The following MACIR variants were observed in gnomAD, a reference collection of about 807,000 sequenced individuals.
The protein encoded by MACIR is UNC119-binding protein C5orf30.
MACIR carries 4 observed loss-of-function variants against 14.3 expected under a neutral mutation model. The ratio of observed to expected loss-of-function variants is 0.28; its 90% CI spans 0.14 to 0.64. The LOEUF (loss-of-function observed/expected upper bound fraction) is 0.64, where lower values mean the gene tolerates loss of function less well. MACIR is among the 30% of genes least tolerant of loss of function. The pLI, the probability that MACIR is intolerant of heterozygous loss-of-function variation, is 0.83. For missense variants in MACIR, 228 were observed against 257.6 expected (o/e 0.89, Z 0.79); for synonymous variants, 101 against 102.4 (o/e 0.99, Z 0.08).
chr5:103,260,673 ATTTTC>A (rs1554236198), intron 1 of MACIR, among the ~76,000 whole-genome samples: 2 of 152,162 alleles, frequency 1.3e-5, no homozygotes, highest in African/African-American at 4.8e-5. Context: ...GAATTTGCTT[ATTTTC>A]TTTGTATATT....
intron 1 of MACIR, among the ~76,000 whole-genome samples, chr5:103,263,228 C>T (rs547046120): frequency 9.4e-5 from 14 of 148,538 alleles, no homozygotes; most frequent in Non-Finnish European, 2.1e-4. Flanking sequence ...CCTCCTCCTG[C>T]TCTTCCTCCT....
At chr5:103,262,213 A>G (rs1804754192) in intron 1 of MACIR, among the ~76,000 whole-genome samples, 1 of 152,108 alleles carries the variant, frequency 6.6e-6, no homozygotes. Context: ...TATGTGCACC[A>G]GTGCCTGCAT....
At position 103,277,637 on chromosome 5, in the gene MACIR, T is replaced by C. The variant is rs1446409554; in HGVS notation, c.*1097T>C. 2.4e-5 allele frequency: 4 copies of C among 167,204 alleles called. No individual in the cohort carries two copies. Among genetic ancestry groups the C allele is most frequent in the South Asian group, 4.1e-4 (2 of 4,828 alleles). The allele number at this position is 167,204 out of a possible 1,614,324, so 10.4% of individuals were successfully genotyped here. ...TTTTAATGGGTTAATCCTGGATTAC[T>C]TAACAATTTATGTCAATTGCACTGG... is the stretch of plus-strand genomic sequence containing the variant. On this transcript the variant is annotated 3_prime_UTR_variant, in exon 3 of 3. Transcript: ENST00000319933.
intron 1 of MACIR, among the ~76,000 whole-genome samples, chr5:103,261,653 T>TCTTC (rs1554236276): frequency 2.0e-5 from 2 of 101,200 alleles, no homozygotes; most frequent in Non-Finnish European, 4.1e-5. Context: ...TTTCTTTCTT[T>TCTTC]CTTTCTTTCT....
intron 2 of MACIR, among the ~76,000 whole-genome samples, chr5:103,271,306 A>G (rs1397866762): frequency 6.6e-6 from 1 of 152,104 alleles, no homozygotes; most frequent in East Asian, 1.9e-4. Flanking sequence ...TTTTGAAAGT[A>G]TTGGTATTTA....
At chr5:103,267,723 A>G (rs1554236853) in intron 2 of MACIR, among the ~76,000 whole-genome samples, 1 of 152,200 alleles carries the variant, frequency 6.6e-6, no homozygotes, top group Non-Finnish European at 1.5e-5. Context: ...TTTTAATGTC[A>G]GGTTTATTAT....
chr5:103,260,085 G>A (rs1203254472), intron 1 of MACIR, among the ~76,000 whole-genome samples: 11 of 150,986 alleles, frequency 7.3e-5, no homozygotes, highest in Non-Finnish European at 1.5e-4. Flanking sequence ...GTTTGTGTGT[G>A]TGTGGTGCAC....
intron 2 of MACIR, 121 bp downstream of exon 2, chr5:103,266,118 G>A (rs1804915301): frequency 6.6e-6 from 1 of 152,124 alleles, no homozygotes; most frequent in South Asian, 2.1e-4. Flanking sequence ...TCAAGTGAAT[G>A]TGAAATGTTG....
chr5:103,260,213 T>C (rs1804628290), intron 1 of MACIR, among the ~76,000 whole-genome samples: 1 of 150,438 alleles, frequency 6.6e-6, no homozygotes, highest in South Asian at 2.1e-4. Flanking sequence ...GTTACTAGAC[T>C]CATTTTCCTT....
intron 1 of MACIR, among the ~76,000 whole-genome samples, chr5:103,263,014 A>C (rs1303002772): frequency 6.6e-6 from 1 of 152,152 alleles, no homozygotes; most frequent in Admixed American, 6.6e-5. Context: ...TGAAAGGTAC[A>C]TGTTTTGGGA....
At chr5:103,270,398 G>A (rs782174113) in intron 2 of MACIR, among the ~76,000 whole-genome samples, 5 of 152,166 alleles carry the variant, frequency 3.3e-5, no homozygotes, top group South Asian at 4.2e-4. Flanking sequence ...TTGTAAATAC[G>A]CGGAAAAAGG....
intron 2 of MACIR, among the ~76,000 whole-genome samples, chr5:103,275,298 T>C (rs1464387135): frequency 6.6e-6 from 1 of 152,198 alleles, no homozygotes; most frequent in African/African-American, 2.4e-5. Context: ...TGGGGGAACC[T>C]TCCCCTAAGA....
rs781789147 is a variant in MACIR at position 103,275,997 on chromosome 5, G to A, written c.78G>A (p.Pro26=). 4.3e-6 allele frequency: 7 copies of A among 1,614,006 alleles called. No individual in the cohort carries two copies. The highest frequency in any genetic ancestry group is 3.3e-5 in the South Asian group (3 of 91,066). ...TCCCTGGGGCTGAGGCCAACTCCCC[G>A]GGAAAGGCGGAGGCAGAGAAGCCCC... ...LPFPGAEANS[P]GKAEAEKPRC... Residue 26 remains proline (P), a synonymous_variant, in exon 3 of 3, where the codon CCG becomes CCA. Coordinates refer to ENST00000319933, the MANE Select transcript of MACIR (RefSeq NM_033211.4).
chr5:103,272,087 G>A (rs1249882145), intron 2 of MACIR, among the ~76,000 whole-genome samples: 1 of 152,144 alleles, frequency 6.6e-6, no homozygotes, highest in African/African-American at 2.4e-5. Flanking sequence ...TATCTTGGCA[G>A]CAAGCTTTTT....
chr5:103,262,651 A>G (rs1804770561), intron 1 of MACIR, among the ~76,000 whole-genome samples: 1 of 152,304 alleles, frequency 6.6e-6, no homozygotes, highest in South Asian at 2.1e-4. Flanking sequence ...TTAGTCACCC[A>G]TGACTTTCTT....
At chr5:103,262,040 C>T (rs891961156) in intron 1 of MACIR, among the ~76,000 whole-genome samples, 2 of 151,882 alleles carry the variant, frequency 1.3e-5, no homozygotes, top group African/African-American at 4.8e-5. Context: ...TGTGTGTTTA[C>T]GAATTTTGTA....
At chr5:103,271,169 A>G (rs1417686241) in intron 2 of MACIR, among the ~76,000 whole-genome samples, 1 of 152,106 alleles carries the variant, frequency 6.6e-6, no homozygotes, top group Non-Finnish European at 1.5e-5. Context: ...TAATTTTTTG[A>G]GTTTCTTAAA....
chr5:103,259,036 C>T (rs1436057535), intron 1 of MACIR, 140 bp downstream of exon 1: 2 of 152,424 alleles, frequency 1.3e-5, no homozygotes, highest in African/African-American at 2.4e-5. Flanking sequence ...CCGCCCCTTC[C>T]TCTCCGCCTC....
intron 1 of MACIR, chr5:103,259,870 A>G (rs1228868715): frequency 6.6e-6 from 1 of 152,234 alleles, no homozygotes; most frequent in East Asian, 1.9e-4. Flanking sequence ...GAAGCTGCCA[A>G]ACTCTCTCTA....
Sources: gnomAD v4.1 joint callset for allele counts (sites outside exome capture counted in the v4.1 genomes callset) on GRCh38, gnomAD v4.1.1 for gene constraint, MANE v1.5 for transcripts, NCBI Gene and HGNC (gene_info 2026-07-23, HGNC 2026-07-21) for gene names.